Variants in SUPT3H observed in about 807,000 individuals in gnomAD.
SUPT3H encodes the protein SPT3 homolog, SAGA and STAGA complex component.
SUPT3H carries 44 observed loss-of-function variants against 44.3 expected under a neutral mutation model. The ratio of observed to expected loss-of-function variants is 0.99; its 90% CI spans 0.78 to 1.28. SUPT3H has a LOEUF of 1.28. Among genes scored for constraint, SUPT3H ranks in the 50% most tolerant of loss-of-function variants. SUPT3H has a pLI of 0.00. For missense variants in SUPT3H, 380 were observed against 387.1 expected (o/e 0.98, Z 0.15); for synonymous variants, 124 against 125.6 (o/e 0.99, Z 0.09).
intron 6 of SUPT3H, among the ~76,000 whole-genome samples, chr6:44,993,569 A>T (rs1398772084): frequency 6.6e-6 from 1 of 152,144 alleles, no homozygotes; most frequent in African/African-American, 2.4e-5. Flanking sequence ...TAGTATAAAA[A>T]GTCACAGACG....
At chr6:45,369,245 G>C (rs958580446) in intron 1 of SUPT3H, among the ~76,000 whole-genome samples, 1 of 151,838 alleles carries the variant, frequency 6.6e-6, no homozygotes, top group East Asian at 1.9e-4. Flanking sequence ...ATGTTCTTTT[G>C]AACCTTTACC....
chr6:45,006,622 A>G (rs1038056574), intron 5 of SUPT3H, among the ~76,000 whole-genome samples: 1 of 152,114 alleles, frequency 6.6e-6, no homozygotes, highest in African/African-American at 2.4e-5. Flanking sequence ...TTCCCAATCA[A>G]GTAACTTTTT....
At chr6:45,083,830 A>C (rs566924279) in intron 3 of SUPT3H, among the ~76,000 whole-genome samples, 1 of 152,316 alleles carries the variant, frequency 6.6e-6, no homozygotes, top group Admixed American at 6.5e-5. Flanking sequence ...AGTTGACAAA[A>C]CTAAGCAATG....
At chr6:44,883,505 T>C in intron 10 of SUPT3H, among the ~76,000 whole-genome samples, 1 of 152,184 alleles carries the variant, frequency 6.6e-6, no homozygotes, top group East Asian at 1.9e-4. Context: ...ATTGACTTTC[T>C]TCATACAATT....
chr6:45,208,558 T>G (rs565579147), intron 2 of SUPT3H, among the ~76,000 whole-genome samples: 64 of 152,198 alleles, frequency 4.2e-4, no homozygotes, highest in African/African-American at 1.5e-3. Context: ...ACCCTGTCCC[T>G]ACTAAAGATA....
At chr6:45,117,231 C>G (rs1012477191) in intron 2 of SUPT3H, among the ~76,000 whole-genome samples, 2 of 152,112 alleles carry the variant, frequency 1.3e-5, no homozygotes, top group Non-Finnish European at 2.9e-5. Flanking sequence ...CTTGAAACAA[C>G]AGATCCAATA....
chr6:45,118,108 T>G (rs1267792134), intron 2 of SUPT3H, among the ~76,000 whole-genome samples: 1 of 152,064 alleles, frequency 6.6e-6, no homozygotes, highest in Non-Finnish European at 1.5e-5. Context: ...ACTTAAAAAT[T>G]TGGCATGCAT....
At chr6:45,208,119 A>C (rs1763483512) in intron 2 of SUPT3H, among the ~76,000 whole-genome samples, 1 of 152,246 alleles carries the variant, frequency 6.6e-6, no homozygotes, top group Non-Finnish European at 1.5e-5. Flanking sequence ...ATAAGAAAGC[A>C]AAACAACTTC....
intron 2 of SUPT3H, among the ~76,000 whole-genome samples, chr6:45,158,717 T>C (rs1340739326): frequency 6.6e-6 from 1 of 152,098 alleles, no homozygotes; most frequent in African/African-American, 2.4e-5. Context: ...TTGCCCACCC[T>C]ACTCACTCAC....
chr6:45,062,861 CA>C, intron 3 of SUPT3H, among the ~76,000 whole-genome samples: 1 of 152,154 alleles, frequency 6.6e-6, no homozygotes, highest in East Asian at 1.9e-4. Flanking sequence ...GATCAAACTG[CA>C]AGGCGGCAGC....
chr6:45,079,921 T>C (rs1483438292), intron 3 of SUPT3H, among the ~76,000 whole-genome samples: 1 of 152,142 alleles, frequency 6.6e-6, no homozygotes, highest in Non-Finnish European at 1.5e-5. Flanking sequence ...CCCACCAGCA[T>C]AGGCAATCAA....
At chr6:45,175,824 TA>T (rs1811689279) in intron 2 of SUPT3H, among the ~76,000 whole-genome samples, 1 of 152,172 alleles carries the variant, frequency 6.6e-6, no homozygotes, top group Non-Finnish European at 1.5e-5. Context: ...GAGAAACAGA[TA>T]ACTCCATGAT....
intron 2 of SUPT3H, among the ~76,000 whole-genome samples, chr6:45,240,150 C>T (rs143665705): frequency 4.6e-5 from 7 of 152,164 alleles, no homozygotes; most frequent in African/African-American, 1.4e-4. Flanking sequence ...GAAACCTTAT[C>T]ATGAGCCAGA....
intron 1 of SUPT3H, among the ~76,000 whole-genome samples, chr6:45,370,945 C>G (rs1795964319): frequency 6.6e-6 from 1 of 152,156 alleles, no homozygotes; most frequent in African/African-American, 2.4e-5. Flanking sequence ...CAAAAACAGT[C>G]CCTAAGGTGC....
At chr6:44,927,697 C>T (rs963643694) in intron 10 of SUPT3H, among the ~76,000 whole-genome samples, 2 of 152,050 alleles carry the variant, frequency 1.3e-5, no homozygotes, top group African/African-American at 4.8e-5. Flanking sequence ...TATTCTTTAG[C>T]CGTTATTAAT....
chr6:45,046,352 A>G (rs920532885), intron 3 of SUPT3H, among the ~76,000 whole-genome samples: 22 of 151,896 alleles, frequency 1.4e-4, no homozygotes, highest in African/African-American at 5.3e-4. Context: ...TTGTTTTGAG[A>G]TGGAGTCTTA....
chr6:45,120,249 T>C (rs77475679), intron 2 of SUPT3H, among the ~76,000 whole-genome samples: 3,701 of 151,696 alleles, frequency 0.024, 154 homozygotes, highest in African/African-American at 0.083. Context: ...CGGAAGTAAT[T>C]TATTTCAGTT....
chr6:45,074,615 A>G (rs1306226168), intron 3 of SUPT3H, among the ~76,000 whole-genome samples: 1 of 152,104 alleles, frequency 6.6e-6, no homozygotes, highest in African/African-American at 2.4e-5. Context: ...CACTTACATG[A>G]CATCCAAGAA....
intron 2 of SUPT3H, among the ~76,000 whole-genome samples, chr6:45,352,278 G>GTTAA (rs1233826186): frequency 6.6e-6 from 1 of 152,042 alleles, no homozygotes; most frequent in Non-Finnish European, 1.5e-5. Context: ...TATGAACCAA[G>GTTAA]GAGTAAGCAA....
Sources: allele counts gnomAD v4.1 joint callset (sites outside exome capture counted in the v4.1 genomes callset), GRCh38; gene constraint gnomAD v4.1.1; transcripts MANE v1.5; gene names NCBI Gene and HGNC (gene_info 2026-07-23, HGNC 2026-07-21).